The following PLCXD3 variants were observed in gnomAD, a reference collection of about 807,000 sequenced individuals.
PLCXD3 encodes the protein phosphatidylinositol specific phospholipase C X domain containing 3.
Under a neutral mutation model 25.5 loss-of-function variants are expected in PLCXD3, and 19 were observed. The observed-to-expected ratio is 0.75, with a 90% CI of 0.52 to 1.09. The LOEUF is 1.09. PLCXD3 is among the 50% of genes least tolerant of loss of function. PLCXD3 has a pLI of 0.00. For synonymous variants in PLCXD3, 174 were observed against 137.6 expected (o/e 1.26, Z -1.85); for missense variants, 411 against 388.1 (o/e 1.06, Z -0.50).
At chr5:41,507,745 G>A (rs1749081831) in intron 1 of PLCXD3, among the ~76,000 whole-genome samples, 1 of 152,212 alleles carries the variant, frequency 6.6e-6, no homozygotes, top group Non-Finnish European at 1.5e-5. Flanking sequence ...TCCCTCAACA[G>A]AAACACTTGT....
In PLCXD3 at chr5:41,310,044, T is replaced by C. The variant is rs944607332; in HGVS notation, c.*3573A>G. 1 of 152,110 alleles carries C rather than the reference T, an allele frequency of 6.6e-6. No homozygotes were observed. Among genetic ancestry groups the C allele is most frequent in the Non-Finnish European group, 1.5e-5 (1 of 67,994 alleles). 9.4% of individuals were successfully genotyped at this position (152,110 alleles called of 1,614,324 possible). On this transcript the variant is annotated 3_prime_UTR_variant, in exon 3 of 3. Coordinates refer to ENST00000377801, the MANE Select transcript of PLCXD3 (RefSeq NM_001005473.3). ...TAATGTGTGTATGTGCACATACAGG[T>C]GTATACATGGCAAACATTTTATACT...
intron 2 of PLCXD3, among the ~76,000 whole-genome samples, chr5:41,338,621 C>A (rs963119223): frequency 6.6e-6 from 1 of 152,080 alleles, no homozygotes; most frequent in African/African-American, 2.4e-5. Context: ...CATAGCCTCC[C>A]TCCTACTATT....
At chr5:41,401,095 AGC>A (rs1188707048) in intron 1 of PLCXD3, among the ~76,000 whole-genome samples, 1 of 151,964 alleles carries the variant, frequency 6.6e-6, no homozygotes, top group African/African-American at 2.4e-5. Context: ...AAACTTGGTT[AGC>A]TTCTAATTAT....
chr5:41,336,290 A>C (rs1743977671), intron 2 of PLCXD3, among the ~76,000 whole-genome samples: 1 of 152,178 alleles, frequency 6.6e-6, no homozygotes, highest in Admixed American at 6.6e-5. Context: ...TCTGAATTCA[A>C]ATCCTGGGTA....
intron 1 of PLCXD3, among the ~76,000 whole-genome samples, chr5:41,458,167 C>T (rs1348554025): frequency 6.6e-6 from 1 of 151,780 alleles, no homozygotes; most frequent in Non-Finnish European, 1.5e-5. Context: ...TAAAAATGAG[C>T]TAGATGGAAG....
chr5:41,445,223 A>G (rs1283336357), intron 1 of PLCXD3, among the ~76,000 whole-genome samples: 1 of 152,214 alleles, frequency 6.6e-6, no homozygotes, highest in African/African-American at 2.4e-5. Flanking sequence ...AGTCTGGTTT[A>G]TTGGATTGTG....
chr5:41,433,984 A>G (rs994496281), intron 1 of PLCXD3, among the ~76,000 whole-genome samples: 3 of 152,176 alleles, frequency 2.0e-5, no homozygotes, highest in Non-Finnish European at 2.9e-5. Flanking sequence ...ATGGGAGCCA[A>G]TGGGATGGAG....
chr5:41,507,037 G>A (rs139245039), intron 1 of PLCXD3, among the ~76,000 whole-genome samples: 1 of 152,180 alleles, frequency 6.6e-6, no homozygotes, highest in African/African-American at 2.4e-5. Flanking sequence ...TTAGATTTTG[G>A]ACAGAATGAC....
intron 1 of PLCXD3, among the ~76,000 whole-genome samples, chr5:41,424,269 C>A (rs1038789383): frequency 6.6e-6 from 1 of 152,026 alleles, no homozygotes; most frequent in South Asian, 2.1e-4. Flanking sequence ...TCTGGCTGGG[C>A]GCGGTGGCTC....
At chr5:41,381,451 A>G (rs921585778) in intron 2 of PLCXD3, among the ~76,000 whole-genome samples, 62 of 152,112 alleles carry the variant, frequency 4.1e-4, no homozygotes, top group African/African-American at 1.3e-3. Context: ...CCTTATAAGC[A>G]AAGGAAAACA....
At chr5:41,356,239 C>T (rs753149209) in intron 2 of PLCXD3, among the ~76,000 whole-genome samples, 4 of 152,140 alleles carry the variant, frequency 2.6e-5, no homozygotes, top group Non-Finnish European at 4.4e-5. Context: ...GCACTCGAGC[C>T]TGGGAGACAA....
chr5:41,347,852 G>A (rs564017145), intron 2 of PLCXD3, among the ~76,000 whole-genome samples: 250 of 149,352 alleles, frequency 1.7e-3, no homozygotes, highest in African/African-American at 6.0e-3. Context: ...CAGGTAACTG[G>A]GCAATAAAAA....
intron 1 of PLCXD3, among the ~76,000 whole-genome samples, chr5:41,480,750 G>A (rs1270012913): frequency 2.0e-5 from 3 of 151,792 alleles, no homozygotes; most frequent in African/African-American, 2.4e-5. Context: ...GTGAAACCCC[G>A]TCTCTACTAA....
intron 2 of PLCXD3, among the ~76,000 whole-genome samples, chr5:41,344,231 A>C (rs1744242706): frequency 6.6e-6 from 1 of 152,160 alleles, no homozygotes; most frequent in Admixed American, 6.5e-5. Context: ...TAGTTTGTCC[A>C]ATATTTTGTT....
rs1748916148 is a variant in PLCXD3, at chr5:41,499,784, G to A, written c.103+10640C>T. ...CAAAACAGTATAGTTCTGGCATAAA[G>A]ACCAACATATAGACCAATAAAACAG... is the stretch of plus-strand genomic sequence containing the variant. On this transcript the variant is annotated intron_variant, in intron 1 of 2. Transcript: ENST00000377801. Among the ~76,000 whole-genome samples, 3 of 151,662 alleles carry A rather than the reference G, an allele frequency of 2.0e-5. No individual in the cohort carries two copies. The South Asian group carries it at 6.2e-4, about 31-fold the overall frequency.
chr5:41,319,099 G>A (rs1213272860), intron 2 of PLCXD3, among the ~76,000 whole-genome samples: 1 of 152,152 alleles, frequency 6.6e-6, no homozygotes, highest in Non-Finnish European at 1.5e-5. Context: ...CAACACTGGA[G>A]GACCCAGATA....
At chr5:41,471,370 A>G (rs1748152948) in intron 1 of PLCXD3, among the ~76,000 whole-genome samples, 1 of 152,198 alleles carries the variant, frequency 6.6e-6, no homozygotes. Flanking sequence ...GAGTGCAACA[A>G]CTGTGAGACA....
intron 1 of PLCXD3, among the ~76,000 whole-genome samples, chr5:41,502,066 A>G (rs1166743413): frequency 6.6e-6 from 1 of 152,134 alleles, no homozygotes; most frequent in Non-Finnish European, 1.5e-5. Flanking sequence ...GAATGATCCC[A>G]TAGAGGTGGA....
intron 1 of PLCXD3, among the ~76,000 whole-genome samples, chr5:41,443,529 A>G (rs1443501665): frequency 6.6e-6 from 1 of 152,212 alleles, no homozygotes; most frequent in Admixed American, 6.5e-5. Flanking sequence ...TACATATAAC[A>G]TGTAATCAGT....
Sources: gnomAD v4.1 joint callset for allele counts (sites outside exome capture counted in the v4.1 genomes callset) on GRCh38, gnomAD v4.1.1 for gene constraint, MANE v1.5 for transcripts, NCBI Gene and HGNC (gene_info 2026-07-23, HGNC 2026-07-21) for gene names.